Variants in GPHN observed in about 807,000 individuals in gnomAD.
GPHN encodes the protein gephyrin.
GPHN carries 17 observed loss-of-function variants against 95.5 expected under a neutral mutation model. That is an observed-to-expected ratio of 0.18 (90% CI 0.12 to 0.27). The LOEUF (loss-of-function observed/expected upper bound fraction) is 0.27. Ranked by LOEUF, GPHN falls within the 10% of genes least tolerant of loss-of-function variation. GPHN has a pLI of 1.00. For synonymous variants in GPHN, 320 were observed against 322.5 expected, an observed-to-expected ratio of 0.99 and a Z score of 0.08; for missense variants, 660 against 978.1, an observed-to-expected ratio of 0.67 and a Z score of 4.34.
chr14:67,534,226 TA>T, the GPHN span, among the ~76,000 whole-genome samples: 1 of 152,100 alleles, frequency 6.6e-6, no homozygotes, highest in Non-Finnish European at 1.5e-5. Flanking sequence ...ACATCGGTAT[TA>T]GTGTTTCTGC....
At chr14:67,595,042 CAGG>C in the GPHN span, among the ~76,000 whole-genome samples, 1 of 151,864 alleles carries the variant, frequency 6.6e-6, no homozygotes, top group Non-Finnish European at 1.5e-5. Flanking sequence ...GAGGCTGAGG[CAGG>C]AGAATGGCGT....
At position 67,005,546 on chromosome 14, in the gene GPHN, T is replaced by C. The variant is rs79042487; in HGVS notation, c.964-18087T>C. Among the ~76,000 whole-genome samples the C allele has an allele frequency of 7.4e-3, 1,119 of 152,096 alleles. 2 individuals carry two copies. The highest frequency in any genetic ancestry group is 0.011 in the Non-Finnish European group (749 of 67,848). ...AACTTGTATAGTTACATGTATTTGA[T>C]GTCAGAGTATTTTATAAGTATGCCT... On this transcript the variant is annotated intron_variant, in intron 9 of 22. Transcript: ENST00000478722.
At chr14:67,204,419 G>A in the GPHN span, 1 of 1,356,378 alleles carries the variant, frequency 7.4e-7, no homozygotes, top group Non-Finnish European at 9.6e-7. Context: ...TCCAACGTGG[G>A]CAACAGAGTG....
chr14:67,036,550 C>CACACACACA (rs1594890683), intron 10 of GPHN, among the ~76,000 whole-genome samples: 2 of 148,318 alleles, frequency 1.3e-5, no homozygotes, highest in African/African-American at 5.0e-5. Context: ...CAGAGAAACA[C>CACACACACA]TAACTGTTAA....
At chr14:67,080,960 G>A (rs2076672726) in intron 11 of GPHN, among the ~76,000 whole-genome samples, 1 of 152,084 alleles carries the variant, frequency 6.6e-6, no homozygotes, top group African/African-American at 2.4e-5. Flanking sequence ...TGGCTGAATA[G>A]TAGTATTCTG....
At chr14:67,069,912 A>G (rs140452193) in intron 11 of GPHN, among the ~76,000 whole-genome samples, 35 of 152,376 alleles carry the variant, frequency 2.3e-4, no homozygotes, top group African/African-American at 8.2e-4. Flanking sequence ...TACCTATTCA[A>G]ATATTTCAAG....
chr14:67,570,321 C>T, the GPHN span: 1 of 1,085,832 alleles, frequency 9.2e-7, no homozygotes, highest in Non-Finnish European at 1.1e-6. Flanking sequence ...CAGTGGGGCT[C>T]CTTCTAGAAT....
chr14:66,810,542 A>G lies in GPHN; in HGVS notation c.202-13932A>G, dbSNP rs1198983067. On this transcript the variant is annotated intron_variant, in intron 3 of 22. Coordinates refer to ENST00000478722, the MANE Select transcript of GPHN (RefSeq NM_020806.5). ...CATTGATGTTTGAGACAAGGTAATA[A>G]AACTATCACAGAAATTCTTCTTTTT... Among the ~76,000 whole-genome samples the G allele has an allele frequency of 2.0e-5, 3 of 152,046 alleles. No individual in the cohort carries two copies. In the South Asian group the frequency reaches 6.2e-4, roughly 31 times the overall value.
At chr14:67,019,952 A>C (rs1043509421) in intron 9 of GPHN, among the ~76,000 whole-genome samples, 1 of 152,172 alleles carries the variant, frequency 6.6e-6, no homozygotes, top group Non-Finnish European at 1.5e-5. Context: ...TTGGCACTAC[A>C]TTCTTTCCCT....
intron 2 of GPHN, among the ~76,000 whole-genome samples, chr14:66,725,432 G>A (rs2071138693): frequency 6.6e-6 from 1 of 152,082 alleles, no homozygotes; most frequent in South Asian, 2.1e-4. Context: ...TAAGAGCCTT[G>A]TAAATAATGT....
At chr14:66,709,324 T>C (rs1338495579) in intron 2 of GPHN, 1 of 455,980 alleles carries the variant, frequency 2.2e-6, no homozygotes, top group Non-Finnish European at 4.4e-6. Flanking sequence ...TCTATCACAT[T>C]AAGCCTGTAC....
At chr14:66,806,983 A>C (rs1269111339) in intron 3 of GPHN, among the ~76,000 whole-genome samples, 1 of 152,128 alleles carries the variant, frequency 6.6e-6, no homozygotes, top group African/African-American at 2.4e-5. Context: ...CTGTTTTCAC[A>C]CTATTGATAA....
chr14:66,831,204 T>G lies in GPHN; in HGVS notation c.294+6638T>G, dbSNP rs537807841. ...ACTCTCCTACATTTTAACAGAAGCA[T>G]AGCAAAAAATACCATATTTAATCAT... On this transcript the variant is annotated intron_variant, in intron 4 of 22. Coordinates refer to ENST00000478722, the MANE Select transcript of GPHN (RefSeq NM_020806.5). Among the ~76,000 whole-genome samples the G allele has an allele frequency of 2.0e-5, 3 of 152,196 alleles. No homozygotes were observed. In the South Asian group the frequency reaches 6.2e-4, roughly 32 times the overall value.
intron 1 of GPHN, among the ~76,000 whole-genome samples, chr14:66,658,371 CT>C (rs1436581311): frequency 6.6e-6 from 1 of 152,098 alleles, no homozygotes; most frequent in Non-Finnish European, 1.5e-5. Flanking sequence ...CATAAACTTA[CT>C]TGATAAAACA....
intron 13 of GPHN, among the ~76,000 whole-genome samples, chr14:67,104,733 G>A (rs1595154317): frequency 6.6e-6 from 1 of 151,844 alleles, no homozygotes; most frequent in African/African-American, 2.4e-5. Context: ...TTGCTTATTT[G>A]GGTCTTTTTT....
chr14:66,771,540 T>C (rs1052643682), intron 2 of GPHN, among the ~76,000 whole-genome samples: 5 of 152,170 alleles, frequency 3.3e-5, no homozygotes, highest in African/African-American at 1.2e-4. Context: ...CATATGTGGA[T>C]GCTGGACTTA....
the GPHN span, among the ~76,000 whole-genome samples, chr14:67,660,760 G>A: frequency 6.6e-6 from 1 of 152,196 alleles, no homozygotes; most frequent in Non-Finnish European, 1.5e-5. Flanking sequence ...CCTGGAATGG[G>A]CAGCATAGGA....
In GPHN at chr14:67,002,791, GTATT is replaced by G. The variant is rs1355653491; in HGVS notation, c.964-20837_964-20834del. On this transcript the variant is annotated intron_variant, in intron 9 of 22. Coordinates refer to ENST00000478722, the MANE Select transcript of GPHN (RefSeq NM_020806.5). ...ATAAATATTAACTATATTATTATCA[GTATT>G]TATTGTTATATTAAAGGTCCAAAGG... Among the ~76,000 whole-genome samples, 3 of 151,494 alleles carry G rather than the reference GTATT, an allele frequency of 2.0e-5. No individual in the cohort carries two copies. The East Asian group carries it at 5.8e-4, about 29-fold the overall frequency.
chr14:67,403,923 A>C, the GPHN span, among the ~76,000 whole-genome samples: 7 of 151,916 alleles, frequency 4.6e-5, no homozygotes, highest in African/African-American at 1.7e-4. Flanking sequence ...GTGGTGGCAC[A>C]CTCCTGTAGT....
Sources: gnomAD v4.1 joint callset for allele counts (sites outside exome capture counted in the v4.1 genomes callset) on GRCh38, gnomAD v4.1.1 for gene constraint, MANE v1.5 for transcripts, NCBI Gene and HGNC (gene_info 2026-07-23, HGNC 2026-07-21) for gene names.